The following ATP10A variants were observed in gnomAD, a reference collection of about 807,000 sequenced individuals.
ATP10A encodes the protein phospholipid-transporting ATPase VA.
In ATP10A, 111 loss-of-function variants were observed where a neutral mutation model predicts 147.8. The observed-to-expected ratio is 0.75, with a 90% confidence interval of 0.64 to 0.88. The LOEUF is 0.88. Among genes scored for constraint, ATP10A ranks in the 40% least tolerant of loss-of-function variants. The pLI, the probability that ATP10A is intolerant of heterozygous loss-of-function variation, is 0.00. For missense variants in ATP10A, 1,927 were observed against 1,959.0 expected (o/e 0.98, Z 0.31); for synonymous variants, 875 against 841.6 (o/e 1.04, Z -0.69).
intron 2 of ATP10A, among the ~76,000 whole-genome samples, chr15:25,755,911 A>G (rs1888382513): frequency 1.3e-5 from 2 of 152,248 alleles, no homozygotes; most frequent in Admixed American, 6.5e-5. Flanking sequence ...CTCCATTTGT[A>G]AGCGTGTCTC....
At chr15:25,861,098 A>G (rs1235184988) in intron 1 of ATP10A, among the ~76,000 whole-genome samples, 1 of 152,124 alleles carries the variant, frequency 6.6e-6, no homozygotes, top group Non-Finnish European at 1.5e-5. Flanking sequence ...AGCCCGGTCT[A>G]ATGACAGTCA....
At chr15:25,779,498 G>A (rs985869179) in intron 2 of ATP10A, among the ~76,000 whole-genome samples, 3 of 151,998 alleles carry the variant, frequency 2.0e-5, no homozygotes, top group African/African-American at 7.2e-5. Context: ...CAGAGGAGAC[G>A]GGGCCAGGCC....
intron 2 of ATP10A, among the ~76,000 whole-genome samples, chr15:25,745,317 C>T (rs1352155226): frequency 1.3e-5 from 2 of 151,160 alleles, no homozygotes; most frequent in East Asian, 1.9e-4. Context: ...TGCACCACTG[C>T]ATTCCAGCCT....
In ATP10A at chr15:25,807,489, T is replaced by G. The variant is rs537498355; in HGVS notation, c.450-26266A>C. Among the ~76,000 whole-genome samples the G allele has an allele frequency of 1.2e-4, 18 of 152,342 alleles. No homozygotes were observed. In the South Asian group the frequency reaches 3.5e-3, roughly 30 times the overall value. ...TAACAATTTTAAATGAAGTTGTCAT[T>G]CACCAAATATTTTTAAAAGAAAAAC... On this transcript the variant is annotated intron_variant, in intron 1 of 20. Coordinates refer to ENST00000555815, the MANE Select transcript of ATP10A (RefSeq NM_024490.4).
chr15:25,709,183 T>C (rs992918203), intron 10 of ATP10A: 1 of 152,230 alleles, frequency 6.6e-6, no homozygotes, highest in Non-Finnish European at 1.5e-5. Flanking sequence ...ATCTATGTTA[T>C]TAAAAGGCCA....
chr15:25,715,594 G>C lies in ATP10A; in HGVS notation c.1776+1136C>G, dbSNP rs114594995. 1.5e-3 allele frequency among the ~76,000 whole-genome samples: 224 copies of C among 152,374 alleles called. 1 individual carries two copies. Among genetic ancestry groups the C allele is most frequent in the African/African-American group, 5.2e-3 (217 of 41,594 alleles). On this transcript the variant is annotated intron_variant, in intron 9 of 20. Transcript: ENST00000555815. ...GGGGCAGAGCCCAGAGGCCAGATGGGAGATGCTGAGGCAGCCAGGAGATGA... is the reference window on the plus strand; with the variant it reads ...GGGGCAGAGCCCAGAGGCCAGATGGCAGATGCTGAGGCAGCCAGGAGATGA...
rs1239814339 is a variant in ATP10A at position 25,753,659 on chromosome 15, G to A, written c.655-17518C>T. Among the ~76,000 whole-genome samples the A allele has an allele frequency of 4.6e-5, 7 of 151,602 alleles. No individual in the cohort carries two copies. In the East Asian group the frequency reaches 1.4e-3, roughly 29 times the overall value. The stretch of plus-strand genomic sequence containing the variant: ...ATTTGAGTCAAGCTCCCAAGAATAT[G>A]GCTGGACAGAAGTGTACATTGTCCC... On this transcript the variant is annotated intron_variant, in intron 2 of 20. Coordinates refer to ENST00000555815, the MANE Select transcript of ATP10A (RefSeq NM_024490.4).
At chr15:25,836,861 C>T (rs749420902) in intron 1 of ATP10A, among the ~76,000 whole-genome samples, 1 of 152,180 alleles carries the variant, frequency 6.6e-6, no homozygotes, top group East Asian at 1.9e-4. Context: ...TGTGCTGTCC[C>T]TCTCCCTGGC....
At chr15:25,845,610 G>A (rs894984268) in intron 1 of ATP10A, among the ~76,000 whole-genome samples, 1 of 152,096 alleles carries the variant, frequency 6.6e-6, no homozygotes. Context: ...GGGCTCCCTG[G>A]CCAAAGGACT....
At chr15:25,789,464 T>G (rs1890310532) in intron 1 of ATP10A, among the ~76,000 whole-genome samples, 1 of 151,874 alleles carries the variant, frequency 6.6e-6, no homozygotes, top group Admixed American at 6.6e-5. Context: ...CCACAAGAGA[T>G]CCAAGAATCT....
At chr15:25,753,754 C>A (rs1291195636) in intron 2 of ATP10A, among the ~76,000 whole-genome samples, 1 of 148,300 alleles carries the variant, frequency 6.7e-6, no homozygotes, top group East Asian at 1.9e-4. Context: ...TTATATATAT[C>A]ATATATAGTT....
chr15:25,771,519 A>G (rs1457766038), intron 2 of ATP10A, among the ~76,000 whole-genome samples: 1 of 152,188 alleles, frequency 6.6e-6, no homozygotes, highest in East Asian at 1.9e-4. Context: ...CTTCCCAGCT[A>G]CAGAACAAAG....
At chr15:25,759,920 C>G (rs1393770077) in intron 2 of ATP10A, among the ~76,000 whole-genome samples, 2 of 151,798 alleles carry the variant, frequency 1.3e-5, no homozygotes, top group Non-Finnish European at 2.9e-5. Context: ...AATCTTCTGT[C>G]ACTTTGGTTT....
chr15:25,684,075 C>T (rs1303345115), intron 16 of ATP10A: 1 of 152,690 alleles, frequency 6.5e-6, no homozygotes, highest in Non-Finnish European at 1.5e-5. Flanking sequence ...CCTGATTGTC[C>T]ACGGGGACCT....
chr15:25,757,422 T>C (rs1888476115), intron 2 of ATP10A, among the ~76,000 whole-genome samples: 1 of 152,068 alleles, frequency 6.6e-6, no homozygotes, highest in Non-Finnish European at 1.5e-5. Context: ...GTATGCAAAA[T>C]GTACAAAGAA....
At chr15:25,859,287 T>A (rs935027511) in intron 1 of ATP10A, among the ~76,000 whole-genome samples, 1 of 152,202 alleles carries the variant, frequency 6.6e-6, no homozygotes, top group Admixed American at 6.5e-5. Context: ...ACACTCAGTG[T>A]TGGAGACCGA....
At chr15:25,841,446 A>C (rs2140891117) in intron 1 of ATP10A, 1 of 152,254 alleles carries the variant, frequency 6.6e-6, no homozygotes, top group Middle Eastern at 3.4e-3. Context: ...CCCTTTGCTG[A>C]TACCACACTT....
In ATP10A at chr15:25,850,521, C is replaced by T. The variant is rs569475799; in HGVS notation, c.449+12127G>A. On this transcript the variant is annotated intron_variant, in intron 1 of 20. Coordinates refer to ENST00000555815, the MANE Select transcript of ATP10A (RefSeq NM_024490.4). ...AAGGGATGTGGCCACACCCTGGGGGCCAGCCCACAGGCGAGGCGAGTCCCC... is the reference window on the plus strand; with the variant it reads ...AAGGGATGTGGCCACACCCTGGGGGTCAGCCCACAGGCGAGGCGAGTCCCC... Among the ~76,000 whole-genome samples, 624 of 152,300 alleles carry T rather than the reference C, an allele frequency of 4.1e-3. 5 individuals are homozygous for T. The highest frequency in any genetic ancestry group is 0.014 in the African/African-American group (598 of 41,572).
intron 3 of ATP10A, among the ~76,000 whole-genome samples, chr15:25,729,045 GAC>G (rs1168260527): frequency 6.6e-6 from 1 of 152,190 alleles, no homozygotes; most frequent in Admixed American, 6.5e-5. Context: ...ACTCCACAAA[GAC>G]ACACACAAGA....
Sources: allele counts gnomAD v4.1 joint callset (sites outside exome capture counted in the v4.1 genomes callset), GRCh38; gene constraint gnomAD v4.1.1; transcripts MANE v1.5; gene names NCBI Gene and HGNC (gene_info 2026-07-23, HGNC 2026-07-21).